Variants in ARHGAP17 observed in about 807,000 individuals in gnomAD.
The protein encoded by ARHGAP17 is rho GTPase-activating protein 17.
ARHGAP17 carries 57 observed loss-of-function variants against 99.5 expected under a neutral mutation model. The observed-to-expected ratio is 0.57, with a 90% CI of 0.46 to 0.71. ARHGAP17 has a LOEUF of 0.71. Among genes scored for constraint, ARHGAP17 ranks in the 30% least tolerant of loss-of-function variants. The pLI is 0.00. For missense variants in ARHGAP17, 1,000 were observed against 1,122.4 expected (o/e 0.89, Z 1.56); for synonymous variants, 417 against 429.6 (o/e 0.97, Z 0.36).
At chr16:24,969,784 T>C (rs1710323890) in intron 4 of ARHGAP17, among the ~76,000 whole-genome samples, 2 of 151,960 alleles carry the variant, frequency 1.3e-5, no homozygotes, top group Non-Finnish European at 2.9e-5. Flanking sequence ...CCCCCAAACA[T>C]GGAAGCAGAC....
chr16:24,968,579 G>C, intron 5 of ARHGAP17, 82 bp downstream of exon 5: 1 of 1,528,196 alleles, frequency 6.5e-7, no homozygotes, highest in South Asian at 1.1e-5. Context: ...GTTAAAGCCA[G>C]CAACTACTGT....
chr16:24,935,653 A>T lies in ARHGAP17; in HGVS notation c.1725-14T>A. 1.2e-6 allele frequency: 2 copies of T among 1,613,338 alleles called. No homozygotes were observed. Among genetic ancestry groups the T allele is most frequent in the East Asian group, 4.5e-5 (2 of 44,890 alleles). ...GGTTTGGGAGGACTAAGAGGAGTAA[A>T]AGTCAAGTTAGACGTCAGACAATCC... On this transcript the variant is annotated splice_polypyrimidine_tract_variant and intron_variant, in intron 17 of 19. Transcript: ENST00000289968.
At position 24,959,656 on chromosome 16, in the gene ARHGAP17, C is replaced by T. The variant is rs201611750; in HGVS notation, c.724+15G>A. The T allele has an allele frequency of 7.1e-5, 114 of 1,612,594 alleles. No homozygotes were observed. Among genetic ancestry groups the T allele is most frequent in the Admixed American group, 5.9e-4 (35 of 59,788 alleles). ...AGGCAAGAAGGAAGCATCAGCCGCA[C>T]GCGGGTTACATTACCTTGATGGGCT... On this transcript the variant is annotated intron_variant, in intron 9 of 19. Coordinates refer to ENST00000289968, the MANE Select transcript of ARHGAP17 (RefSeq NM_001006634.3).
chr16:24,952,482 A>G (rs562343318), intron 11 of ARHGAP17, 112 bp from the exon 12 acceptor site: 125 of 705,420 alleles, frequency 1.8e-4, no homozygotes, highest in African/African-American at 7.7e-4. Flanking sequence ...CAAGGTGTAC[A>G]TAACAAATCA....
chr16:24,970,480 T>TG (rs758787308), intron 4 of ARHGAP17, 27 bp downstream of exon 4: 18 of 1,609,524 alleles, frequency 1.1e-5, no homozygotes, highest in Non-Finnish European at 1.5e-5. Context: ...ACATGGCACT[T>TG]GGCACTCTGA....
chr16:24,926,372 T>A (rs1477914031), intron 19 of ARHGAP17, among the ~76,000 whole-genome samples: 2 of 152,184 alleles, frequency 1.3e-5, no homozygotes, highest in East Asian at 3.9e-4. Context: ...GCAGTTCTCC[T>A]GCCTTGGCCT....
At chr16:25,000,351 C>G (rs1001095534) in intron 1 of ARHGAP17, among the ~76,000 whole-genome samples, 3 of 152,080 alleles carry the variant, frequency 2.0e-5, no homozygotes, top group African/African-American at 7.2e-5. Context: ...CACACAGACG[C>G]ACGAGGTGCA....
At chr16:24,973,509 A>G (rs1179470993) in intron 3 of ARHGAP17, among the ~76,000 whole-genome samples, 2 of 152,218 alleles carry the variant, frequency 1.3e-5, no homozygotes, top group African/African-American at 4.8e-5. Flanking sequence ...ACGTTGGAAA[A>G]GGAAAGCTAA....
chr16:25,002,072 C>T (rs1204549500), intron 1 of ARHGAP17, among the ~76,000 whole-genome samples: 2 of 150,072 alleles, frequency 1.3e-5, no homozygotes, highest in Non-Finnish European at 3.0e-5. Flanking sequence ...CAGAGCGAGA[C>T]TCCATCTAAA....
chr16:24,935,487 G>A lies in ARHGAP17; in HGVS notation c.1877C>T (p.Pro626Leu), dbSNP rs773078183. 15 of 1,605,244 alleles carry A rather than the reference G, an allele frequency of 9.3e-6. No homozygotes were observed. The highest frequency in any genetic ancestry group is 1.3e-5 in the African/African-American group (1 of 74,836). Residue 626 changes from proline to leucine, a missense_variant, in exon 18 of 20, where the codon CCG (proline) becomes CTG (leucine). By Grantham distance (98) the Pro-to-Leu change is moderately conservative. Coordinates refer to ENST00000289968, the MANE Select transcript of ARHGAP17 (RefSeq NM_001006634.3). ...GQPHNAAGPS[P>L]HTLRRAVKKP... ...CTGCTTACCTCGGCGCAGTGTATGC[G>A]GGCTGGGCCCTGCAGCATTGTGAGG...
chr16:24,981,504 AACAG>A (rs2052673201), intron 1 of ARHGAP17, among the ~76,000 whole-genome samples: 2 of 152,206 alleles, frequency 1.3e-5, no homozygotes, highest in African/African-American at 2.4e-5. Context: ...ACAGAAAGTC[AACAG>A]ACAGTAACTA....
intron 19 of ARHGAP17, among the ~76,000 whole-genome samples, chr16:24,923,827 G>A (rs1056819522): frequency 6.6e-5 from 10 of 151,886 alleles, no homozygotes; most frequent in Admixed American, 5.3e-4. Flanking sequence ...CAGATTTGGG[G>A]CTCTGACAAA....
rs563881738 is a variant in ARHGAP17 at position 24,960,685 on chromosome 16, C to T, written c.574-706G>A. On this transcript the variant is annotated intron_variant, in intron 7 of 19. Transcript: ENST00000289968. ...ACAAAAAATTAGCCAGGTATGGTGGCGGGCACCTGTAGTCCCAGCTACTTG... is the reference window on the plus strand; with the variant it reads ...ACAAAAAATTAGCCAGGTATGGTGGTGGGCACCTGTAGTCCCAGCTACTTG... Among the ~76,000 whole-genome samples, 15 of 151,580 alleles carry T rather than the reference C, an allele frequency of 9.9e-5. No homozygotes were observed. In the East Asian group the frequency reaches 2.0e-3, roughly 20 times the overall value.
chr16:24,949,442 T>C lies in ARHGAP17; in HGVS notation c.1089A>G (p.Thr363=). The change falls in exon 13 of 20, where the codon ACA becomes ACG. Residue 363 remains threonine (T), a synonymous_variant. Transcript: ENST00000289968. ...QDKKLQDLWR[T]CQKLPPQNFV... ...AATTTTGTGGTGGCAACTTCTGACA[T>C]GTTCTCCACAAGTCTTGAAGTTTTT... 1 of 1,614,002 alleles carries C rather than the reference T, an allele frequency of 6.2e-7. No individual in the cohort carries two copies. Among genetic ancestry groups the C allele is most frequent in the Non-Finnish European group, 8.5e-7 (1 of 1,179,996 alleles).
chr16:24,982,979 T>TATATAC (rs1232659664), intron 1 of ARHGAP17, among the ~76,000 whole-genome samples: 1 of 18,472 alleles, frequency 5.4e-5, no homozygotes, highest in African/African-American at 2.3e-4. Flanking sequence ...TATATATATA[T>TATATAC]ATATATATAT....
intron 1 of ARHGAP17, among the ~76,000 whole-genome samples, chr16:24,999,367 G>A (rs1014884099): frequency 6.6e-6 from 1 of 152,044 alleles, no homozygotes; most frequent in Non-Finnish European, 1.5e-5. Context: ...ACAGACAGAA[G>A]TGTAGTTATT....
chr16:24,959,660 G>T lies in ARHGAP17; in HGVS notation c.724+11C>A. On this transcript the variant is annotated intron_variant, in intron 9 of 19. Transcript: ENST00000289968. ...AAGAAGGAAGCATCAGCCGCACGCGGGTTACATTACCTTGATGGGCTCGCA... is the reference window on the plus strand; with the variant it reads ...AAGAAGGAAGCATCAGCCGCACGCGTGTTACATTACCTTGATGGGCTCGCA... 6.2e-7 allele frequency: 1 copy of T among 1,613,246 alleles called. No homozygotes were observed. The highest frequency in any genetic ancestry group is 8.5e-7 in the Non-Finnish European group (1 of 1,179,668).
chr16:24,926,847 C>A (rs1287536578), intron 19 of ARHGAP17, among the ~76,000 whole-genome samples: 2 of 152,156 alleles, frequency 1.3e-5, no homozygotes, highest in East Asian at 3.8e-4. Context: ...AATATGGATA[C>A]CTGGGTTCCA....
chr16:24,931,463 G>A (rs1310723525), intron 18 of ARHGAP17, 59 bp from the exon 19 acceptor site: 15 of 1,463,748 alleles, frequency 1.0e-5, no homozygotes, highest in Non-Finnish European at 1.3e-5. Flanking sequence ...AACCAACCCT[G>A]GCCAGGAGCC....
Sources: allele counts gnomAD v4.1 joint callset (sites outside exome capture counted in the v4.1 genomes callset), GRCh38; gene constraint gnomAD v4.1.1; transcripts MANE v1.5; gene names NCBI Gene and HGNC (gene_info 2026-07-23, HGNC 2026-07-21).